DOCK5: variants seen among roughly 807,000 people sequenced by gnomAD.
The protein encoded by DOCK5 is dedicator of cytokinesis 5, also known as dedicator of cytokinesis protein 5.
In DOCK5, 142 loss-of-function variants were observed where a neutral mutation model predicts 251.8. The ratio of observed to expected loss-of-function variants is 0.56; its 90% CI spans 0.49 to 0.65. The LOEUF (loss-of-function observed/expected upper bound fraction) is 0.65, where lower values mean the gene tolerates loss of function less well. Ranked by LOEUF, DOCK5 falls within the 30% of genes least tolerant of loss-of-function variation. The pLI, the probability that DOCK5 is intolerant of heterozygous loss-of-function variation, is 0.00. For synonymous variants in DOCK5, 842 were observed against 835.5 expected, an observed-to-expected ratio of 1.01 and a Z score of -0.13; for missense variants, 2,111 against 2,312.3, an observed-to-expected ratio of 0.91 and a Z score of 1.79.
In DOCK5 at chr8:25,413,450, A is replaced by G. The variant is rs555826144; in HGVS notation, c.*2152A>G. ...ATGGAGAGAACTCAAGCTGTAGAGA[A>G]AGGAGGAGGCAACAGACAGGATATG... On this transcript the variant is annotated 3_prime_UTR_variant, in exon 52 of 52. Transcript: ENST00000276440. 2.0e-5 allele frequency: 3 copies of G among 152,336 alleles called. No homozygotes were observed. In the South Asian group the frequency reaches 6.2e-4, roughly 32 times the overall value. 9.4% of individuals were successfully genotyped at this position (152,336 alleles called of 1,614,324 possible). A position where few individuals can be genotyped will look rare whatever the true frequency, so the allele number is the denominator to read the frequency against.
Position 25,372,457 on chromosome 8 carries a change from A to C in DOCK5, c.3525-102A>C, listed in dbSNP as rs561499842. 3 of 1,264,606 alleles carry C rather than the reference A, an allele frequency of 2.4e-6. No homozygotes were observed. The African/African-American group carries it at 4.6e-5, about 20-fold the overall frequency. The allele number at this position is 1,264,606 out of a possible 1,614,324, so 78.3% of individuals were successfully genotyped here. A position where few individuals can be genotyped will look rare whatever the true frequency, so the allele number is the denominator to read the frequency against. Reference sequence around the variant, plus strand: ...CTAACATTGACGTTCTGTGTCATCAAATCCTGCCCCAGCCACTGCTGAGAC... The same window carrying C: ...CTAACATTGACGTTCTGTGTCATCACATCCTGCCCCAGCCACTGCTGAGAC... On this transcript the variant is annotated intron_variant, in intron 34 of 51. Coordinates refer to ENST00000276440, the MANE Select transcript of DOCK5 (RefSeq NM_024940.8).
At chr8:25,373,287 C>T (rs767450396) in intron 35 of DOCK5, among the ~76,000 whole-genome samples, 22 of 152,150 alleles carry the variant, frequency 1.4e-4, no homozygotes, top group South Asian at 6.2e-4. Context: ...CGTGAGCCAC[C>T]GCACCCGGCT....
chr8:25,410,596 G>A (rs1801604638), intron 51 of DOCK5, among the ~76,000 whole-genome samples: 1 of 151,872 alleles, frequency 6.6e-6, no homozygotes, highest in African/African-American at 2.4e-5. Context: ...CAATTAGCTG[G>A]GACTACAGGC....
chr8:25,380,407 C>T lies in DOCK5; in HGVS notation c.4026+13C>T. 6.3e-7 allele frequency: 1 copy of T among 1,598,444 alleles called. No individual in the cohort carries two copies. Among genetic ancestry groups the T allele is most frequent in the Non-Finnish European group, 8.5e-7 (1 of 1,170,938 alleles). On this transcript the variant is annotated intron_variant, in intron 39 of 51. Transcript: ENST00000276440. The stretch of plus-strand genomic sequence containing the variant: ...TGGCAACCTCCTGGTGAGTCTGGGT[C>T]AAAATATGTTAGGCCTCTGACAGGG...
chr8:25,233,036 C>T (rs1021134924), intron 1 of DOCK5, among the ~76,000 whole-genome samples: 1 of 152,150 alleles, frequency 6.6e-6, no homozygotes, highest in Non-Finnish European at 1.5e-5. Flanking sequence ...CTAGCACTCT[C>T]TCTGAGCAGC....
At chr8:25,351,516 T>C (rs1800468059) in intron 26 of DOCK5, 1 of 504,548 alleles carries the variant, frequency 2.0e-6, no homozygotes, top group South Asian at 2.4e-5. Flanking sequence ...CACAGCCACA[T>C]TCATCTTTTA....
chr8:25,358,627 G>A (rs956094385), intron 27 of DOCK5, among the ~76,000 whole-genome samples: 2 of 152,050 alleles, frequency 1.3e-5, no homozygotes, highest in Non-Finnish European at 2.9e-5. Context: ...TTTCTCCATG[G>A]AATTCTATAC....
In DOCK5 at chr8:25,189,183, G is replaced by A. The variant is rs79078466; in HGVS notation, c.43+4232G>A. On this transcript the variant is annotated intron_variant, in intron 1 of 51. Coordinates refer to ENST00000276440, the MANE Select transcript of DOCK5 (RefSeq NM_024940.8). Reference sequence around the variant, plus strand: ...CTGCAGGTGTGCACCACCATGCCTGGCTTAAGTTTTTTGATTTTTTAAGTT... The same window carrying A: ...CTGCAGGTGTGCACCACCATGCCTGACTTAAGTTTTTTGATTTTTTAAGTT... 4.0e-3 allele frequency among the ~76,000 whole-genome samples: 599 copies of A among 151,052 alleles called. 5 individuals carry two copies. Among genetic ancestry groups the A allele is most frequent in the African/African-American group, 0.013 (540 of 41,170 alleles).
rs536700708 is a variant in DOCK5, at chr8:25,377,351, A to C, written c.3863A>C (p.Tyr1288Ser). The C allele has an allele frequency of 6.2e-7, 1 of 1,613,772 alleles. No individual in the cohort carries two copies. Among genetic ancestry groups the C allele is most frequent in the Admixed American group, 1.7e-5 (1 of 60,010 alleles). ...CVPHLLQKDS[Y>S]YVYTQQELKE... is the part of the protein sequence containing the mutation. ...CCTCATTTGCTTCAGAAGGACAGTT[A>C]CTATGTTTATACCCAGCAAGAGCTT... Residue 1288 changes from tyrosine to serine, a missense_variant, in exon 38 of 52, where the codon TAC becomes TCC. Around this residue, in one of 3 missense-constraint regions of DOCK5, gnomAD observed 1,717 missense variants for 1,892.4 expected, o/e 0.91. Coordinates refer to ENST00000276440, the MANE Select transcript of DOCK5 (RefSeq NM_024940.8).
chr8:25,355,963 C>T (rs1180614302), intron 27 of DOCK5, among the ~76,000 whole-genome samples: 1 of 148,960 alleles, frequency 6.7e-6, no homozygotes, highest in African/African-American at 2.5e-5. Flanking sequence ...GAGGCTGAGG[C>T]GGGCAGATCA....
intron 5 of DOCK5, among the ~76,000 whole-genome samples, chr8:25,279,847 A>G (rs1388008479): frequency 1.3e-5 from 2 of 150,336 alleles, no homozygotes; most frequent in Non-Finnish European, 3.0e-5. Context: ...CTGGTCTTGA[A>G]CTCCTGACCT....
At chr8:25,250,034 G>C (rs191080200) in intron 2 of DOCK5, among the ~76,000 whole-genome samples, 1 of 152,210 alleles carries the variant, frequency 6.6e-6, no homozygotes, top group African/African-American at 2.4e-5. Context: ...AAACATTTGC[G>C]TGCAAGTTTT....
chr8:25,273,641 TAGTC>T (rs1427636886), intron 3 of DOCK5, among the ~76,000 whole-genome samples: 2 of 152,188 alleles, frequency 1.3e-5, no homozygotes, highest in South Asian at 2.1e-4. Flanking sequence ...AATGAATAAA[TAGTC>T]AGAAGACTTA....
chr8:25,324,205 G>C (rs1805499538), intron 17 of DOCK5, among the ~76,000 whole-genome samples: 1 of 152,104 alleles, frequency 6.6e-6, no homozygotes, highest in Admixed American at 6.5e-5. Flanking sequence ...TCACGGGAGA[G>C]GTCCTGTGAA....
At chr8:25,393,251 G>A (rs954257) in intron 44 of DOCK5, among the ~76,000 whole-genome samples, 53,055 of 151,950 alleles carry the variant, frequency 0.35, 9,376 homozygotes, top group Non-Finnish European at 0.36. Flanking sequence ...CATATCCACA[G>A]TTACCCTAGA....
chr8:25,341,302 A>AT (rs1805949468), intron 23 of DOCK5, among the ~76,000 whole-genome samples: 1 of 152,014 alleles, frequency 6.6e-6, no homozygotes, highest in Non-Finnish European at 1.5e-5. Context: ...ACAAATTTTT[A>AT]TTTTTTGTCC....
intron 30 of DOCK5, among the ~76,000 whole-genome samples, chr8:25,365,914 A>G (rs1339684139): frequency 1.3e-5 from 2 of 152,222 alleles, no homozygotes; most frequent in African/African-American, 4.8e-5. Context: ...GCATGCACAT[A>G]TAGATGAATA....
At chr8:25,217,033 A>C (rs1220898117) in intron 1 of DOCK5, among the ~76,000 whole-genome samples, 2 of 146,036 alleles carry the variant, frequency 1.4e-5, no homozygotes, top group Non-Finnish European at 1.5e-5. Flanking sequence ...AGATGTATAC[A>C]ATATGTGTAT....
chr8:25,301,458 A>C (rs1465390227), intron 9 of DOCK5, among the ~76,000 whole-genome samples: 1 of 152,216 alleles, frequency 6.6e-6, no homozygotes, highest in African/African-American at 2.4e-5. Flanking sequence ...CAGTAAAGAG[A>C]GCTTGGGCAG....
Sources: gnomAD v4.1 joint callset for allele counts (sites outside exome capture counted in the v4.1 genomes callset) on GRCh38, gnomAD v4.1.1 for gene constraint, gnomAD v4.1.1 regional missense constraint, MANE v1.5 for transcripts, NCBI Gene and HGNC (gene_info 2026-07-23, HGNC 2026-07-21) for gene names.